ITGAX: variants seen among roughly 807,000 people sequenced by gnomAD.
ITGAX encodes integrin subunit alpha X, also known as integrin alpha-X.
ITGAX carries 99 observed loss-of-function variants against 140.2 expected under a neutral mutation model. The ratio of observed to expected loss-of-function variants is 0.71; its 90% confidence interval spans 0.60 to 0.83. The LOEUF is 0.83. Ranked by LOEUF, ITGAX falls within the 40% of genes least tolerant of loss-of-function variation. The probability of loss-of-function intolerance (pLI) is 0.00; values close to 1 mark genes in which losing one functional copy is unlikely to be tolerated. For synonymous variants in ITGAX, 631 were observed against 600.4 expected (o/e 1.05, Z -0.75); for missense variants, 1,444 against 1,482.0 (o/e 0.97, Z 0.42).
At chr16:31,364,665 G>A (rs2080873372) in intron 14 of ITGAX, among the ~76,000 whole-genome samples, 1 of 152,064 alleles carries the variant, frequency 6.6e-6, no homozygotes, top group South Asian at 2.1e-4. Context: ...CCCATGCTGG[G>A]GATGATGTAA....
At chr16:31,355,767 C>T (rs1388859737) in intron 1 of ITGAX, 126 bp from the exon 2 acceptor site, 1 of 716,826 alleles carries the variant, frequency 1.4e-6, no homozygotes, top group Non-Finnish European at 2.5e-6. Flanking sequence ...AGTTGGGTGT[C>T]CAGAAGACCC....
intron 8 of ITGAX, chr16:31,360,806 G>T: frequency 1.9e-6 from 1 of 521,220 alleles, no homozygotes; most frequent in Non-Finnish European, 3.4e-6. Context: ...GTGAACCACC[G>T]CCAACAACAT....
chr16:31,356,997 C>T, intron 3 of ITGAX, 34 bp from the exon 4 acceptor site: 1 of 1,569,694 alleles, frequency 6.4e-7, no homozygotes, highest in Non-Finnish European at 8.6e-7. Context: ...CTCTGTACCC[C>T]CGAGAGTGAC....
At chr16:31,362,250 C>T (rs1297237720) in intron 11 of ITGAX, 46 bp downstream of exon 11, 1 of 1,602,314 alleles carries the variant, frequency 6.2e-7, no homozygotes, top group Non-Finnish European at 8.5e-7. Flanking sequence ...ATGCACTGCC[C>T]AGGGTGGGGT....
Position 31,371,203 on chromosome 16 carries a change from G to A in ITGAX, c.1830G>A (p.Val610=). ...VDLAVGARGQ[V]LLLRTRPVLW... ...TGGCTGTGGGGGCCCGGGGCCAGGTGCTCCTGCTCAGGTGAGAGCAGCCTT... is the reference window on the plus strand; with the variant it reads ...TGGCTGTGGGGGCCCGGGGCCAGGTACTCCTGCTCAGGTGAGAGCAGCCTT... The change falls in exon 15 of 30, where the codon GTG becomes GTA. Residue 610 remains valine (V), a synonymous_variant. Transcript: ENST00000268296. 1.9e-6 allele frequency: 3 copies of A among 1,608,934 alleles called. No homozygotes were observed. Among genetic ancestry groups the A allele is most frequent in the Non-Finnish European group, 2.5e-6 (3 of 1,177,588 alleles).
chr16:31,360,449 C>G lies in ITGAX; in HGVS notation c.847C>G (p.Arg283Gly). Residue 283 changes from arginine (R) to glycine (G), a missense_variant, in exon 8 of 30, where the codon CGC becomes GGC. Coordinates refer to ENST00000268296, the MANE Select transcript of ITGAX (RefSeq NM_000887.5). ...IPMADAAGII[R>G]YAIGVGLAFQ... Reference sequence around the variant, plus strand: ...CATGGCTGATGCAGCAGGCATCATCCGCTATGCAATTGGGGTAGGGCGTGG... The same window carrying G: ...CATGGCTGATGCAGCAGGCATCATCGGCTATGCAATTGGGGTAGGGCGTGG... 2.5e-6 allele frequency: 4 copies of G among 1,610,434 alleles called. No homozygotes were observed. Among genetic ancestry groups the G allele is most frequent in the Non-Finnish European group, 3.4e-6 (4 of 1,178,404 alleles).
chr16:31,368,766 G>A (rs2080919458), intron 14 of ITGAX, among the ~76,000 whole-genome samples: 1 of 151,874 alleles, frequency 6.6e-6, no homozygotes, highest in African/African-American at 2.4e-5. Context: ...CTTCCGCAGT[G>A]TTTGTGTCCC....
chr16:31,379,894 C>A, intron 25 of ITGAX, 30 bp downstream of exon 25: 5 of 1,609,850 alleles, frequency 3.1e-6, no homozygotes, highest in Non-Finnish European at 4.3e-6. Context: ...GGCTCCTCCA[C>A]GAATGCCCTT....
intron 23 of ITGAX, among the ~76,000 whole-genome samples, 191 bp from the exon 24 acceptor site, chr16:31,379,377 A>C (rs2081047376): frequency 6.6e-6 from 1 of 152,010 alleles, no homozygotes; most frequent in Non-Finnish European, 1.5e-5. Context: ...TCAGCATCTC[A>C]AAGTGCTGGG....
chr16:31,370,770 C>G (rs1259730934), intron 14 of ITGAX, among the ~76,000 whole-genome samples: 3 of 152,150 alleles, frequency 2.0e-5, no homozygotes, highest in Admixed American at 1.3e-4. Flanking sequence ...GAAACGGAGG[C>G]ACAGACAGAT....
At chr16:31,366,782 C>T (rs1031361412) in intron 14 of ITGAX, among the ~76,000 whole-genome samples, 2 of 152,324 alleles carry the variant, frequency 1.3e-5, no homozygotes, top group South Asian at 4.1e-4. Context: ...TCCCAAAGCA[C>T]TGGGATTACA....
At chr16:31,373,603 C>A (rs1423491726) in intron 20 of ITGAX, among the ~76,000 whole-genome samples, 2 of 152,214 alleles carry the variant, frequency 1.3e-5, no homozygotes, top group African/African-American at 4.8e-5. Flanking sequence ...AGAGGGGAAC[C>A]TGCCCAAATT....
Position 31,372,778 on chromosome 16 carries a change from C to G in ITGAX, c.2366+108C>G, listed in dbSNP as rs903590930. On this transcript the variant is annotated intron_variant, in intron 19 of 29. Coordinates refer to ENST00000268296, the MANE Select transcript of ITGAX (RefSeq NM_000887.5). ...CATTGTCTCATCCTATAGTCAAAAC[C>G]CAGGTGTCTTGGCTGGGCACAGTGG... 8 of 1,129,682 alleles carry G rather than the reference C, an allele frequency of 7.1e-6. No individual in the cohort carries two copies. The African/African-American group carries it at 1.2e-4, about 17-fold the overall frequency. The allele number at this position is 1,129,682 out of a possible 1,614,324, so 70.0% of individuals were successfully genotyped here. A position where few individuals can be genotyped will look rare whatever the true frequency, so the allele number is the denominator to read the frequency against.
intron 19 of ITGAX, 144 bp downstream of exon 19, chr16:31,372,814 T>A: frequency 1.3e-6 from 1 of 797,266 alleles, no homozygotes; most frequent in Non-Finnish European, 2.0e-6. Flanking sequence ...CTCACGCCTG[T>A]AATCCCAGCA....
Position 31,362,958 on chromosome 16 carries a change from C to T in ITGAX, c.1383C>T (p.Ser461=). 1 of 1,611,868 alleles carries T rather than the reference C, an allele frequency of 6.2e-7. No individual in the cohort carries two copies. The part of the protein sequence containing the change: ...GTQIGSYFGA[S]LCSVDVDSDG... ...AGATCGGCTCCTACTTCGGGGCCTCCCTCTGCTCCGTGGACGTAGACAGCG... is the reference window on the plus strand; with the variant it reads ...AGATCGGCTCCTACTTCGGGGCCTCTCTCTGCTCCGTGGACGTAGACAGCG... The change falls in exon 13 of 30, where the codon TCC becomes TCT. Residue 461 remains serine, a synonymous_variant. Coordinates refer to ENST00000268296, the MANE Select transcript of ITGAX (RefSeq NM_000887.5).
chr16:31,365,070 C>T (rs1412171126), intron 14 of ITGAX, among the ~76,000 whole-genome samples: 1 of 152,106 alleles, frequency 6.6e-6, no homozygotes, highest in Non-Finnish European at 1.5e-5. Context: ...TGTGATCTGG[C>T]AATTCCACCT....
At chr16:31,368,168 T>C (rs2080910883) in intron 14 of ITGAX, among the ~76,000 whole-genome samples, 1 of 148,632 alleles carries the variant, frequency 6.7e-6, no homozygotes, top group South Asian at 2.2e-4. Context: ...TTTTTTCAGA[T>C]GGAATCTATT....
In ITGAX at chr16:31,371,175, A is replaced by G. The variant is rs764911867; in HGVS notation, c.1802A>G (p.Asp601Gly). The G allele has an allele frequency of 1.2e-6, 2 of 1,612,528 alleles. No homozygotes were observed. The highest frequency in any genetic ancestry group is 1.3e-5 in the African/African-American group (1 of 74,888). Reference sequence around the variant, plus strand: ...GACCTCACCCAGGATGGACTGGTGGACCTGGCTGTGGGGGCCCGGGGCCAG... The same window carrying G: ...GACCTCACCCAGGATGGACTGGTGGGCCTGGCTGTGGGGGCCCGGGGCCAG... The part of the protein sequence containing the change: ...GQDLTQDGLV[D>G]LAVGARGQVL... The change falls in exon 15 of 30, where the codon GAC becomes GGC. Residue 601 changes from aspartate (D) to glycine (G), a missense_variant. By Grantham distance (94) the Asp-to-Gly change is moderately conservative (BLOSUM62 -1). Transcript: ENST00000268296.
At chr16:31,355,372 G>A in intron 1 of ITGAX, 81 bp downstream of exon 1, 1 of 1,485,212 alleles carries the variant, frequency 6.7e-7, no homozygotes, top group Non-Finnish European at 9.3e-7. Flanking sequence ...CTCAGGCTGG[G>A]GGGTTAGGAT....
Sources: allele counts gnomAD v4.1 joint callset (sites outside exome capture counted in the v4.1 genomes callset), GRCh38; gene constraint gnomAD v4.1.1; transcripts MANE v1.5; gene names NCBI Gene and HGNC (gene_info 2026-07-23, HGNC 2026-07-21).